The following MFSD6 variants were observed in gnomAD, a reference collection of about 807,000 sequenced individuals.
The protein encoded by MFSD6 is major facilitator superfamily domain-containing protein 6.
Under a neutral mutation model 56.3 loss-of-function variants are expected in MFSD6, and 26 were observed. The ratio of observed to expected loss-of-function variants is 0.46; its 90% CI spans 0.34 to 0.64. The LOEUF is 0.64. Ranked by LOEUF, MFSD6 falls within the 30% of genes least tolerant of loss-of-function variation. The pLI is 0.01. For missense variants in MFSD6, 750 were observed against 986.2 expected (o/e 0.76, Z 3.21); for synonymous variants, 331 against 366.9 (o/e 0.90, Z 1.12).
Position 190,417,998 on chromosome 2 carries a change from G to GTGTGTGTGTGTA in MFSD6, c.-54+2588_-54+2589insGTGTGTGTATGT, listed in dbSNP as rs779564153. 3.4e-3 allele frequency among the ~76,000 whole-genome samples: 505 copies of GTGTGTGTGTGTA among 150,060 alleles called. 5 individuals are homozygous for GTGTGTGTGTGTA. The highest frequency in any genetic ancestry group is 0.011 in the African/African-American group (467 of 40,642). On this transcript the variant is annotated intron_variant, in intron 2 of 7. Transcript: ENST00000392328. The surrounding 1 kb of genome is among the most constrained non-coding windows in gnomAD (Gnocchi z 5.7). ...TGTGTGTGTGTGTGTGTGTGTGTGT[G>GTGTGTGTGTGTA]TGTATGTGAGAGAGAGAGAGATGTG... is the stretch of plus-strand genomic sequence containing the variant.
Position 190,436,810 on chromosome 2 carries a change from A to G in MFSD6, c.781A>G (p.Thr261Ala). The G allele has an allele frequency of 6.8e-6, 11 of 1,614,162 alleles. No homozygotes were observed. Among genetic ancestry groups the G allele is most frequent in the Non-Finnish European group, 9.3e-6 (11 of 1,180,030 alleles). The change falls in exon 3 of 8, where the codon ACT becomes GCT. Residue 261 changes from threonine to alanine, a missense_variant. Coordinates refer to ENST00000392328, the MANE Select transcript of MFSD6 (RefSeq NM_017694.4). The surrounding 1 kb of genome is among the most constrained non-coding windows in gnomAD (Gnocchi z 5.3). Reference protein sequence around the residue: ...SPGSVTKETTTVIVTTTKSLP... With the variant: ...SPGSVTKETTAVIVTTTKSLP... ...AGGAAGCGTAACCAAGGAGACAACC[A>G]CTGTTATTGTTACCACCACCAAATC...
At chr2:190,475,642 T>C (rs1688258326) in intron 4 of MFSD6, among the ~76,000 whole-genome samples, 1 of 152,168 alleles carries the variant, frequency 6.6e-6, no homozygotes, top group Non-Finnish European at 1.5e-5. Context: ...CTGCCCAAGG[T>C]AATTTATAGA....
chr2:190,413,542 G>A lies in MFSD6; in HGVS notation c.-175-1750G>A, dbSNP rs1197823643. 6.6e-6 allele frequency among the ~76,000 whole-genome samples: 1 copy of A among 151,486 alleles called. No homozygotes were observed. Among genetic ancestry groups the A allele is most frequent in the African/African-American group, 2.4e-5 (1 of 41,228 alleles). ...TGATCTGAGACCAAGAGTGGGATGG[G>A]GGAAAGACAGGGAAAGACAGGGACA... On this transcript the variant is annotated intron_variant, in intron 1 of 7. Coordinates refer to ENST00000392328, the MANE Select transcript of MFSD6 (RefSeq NM_017694.4). The surrounding 1 kb of genome is among the most constrained non-coding windows in gnomAD (Gnocchi z 4.1).
intron 2 of MFSD6, among the ~76,000 whole-genome samples, chr2:190,421,834 A>G (rs939739679): frequency 6.6e-6 from 1 of 152,186 alleles, no homozygotes; most frequent in Non-Finnish European, 1.5e-5. Flanking sequence ...TATCACCTGT[A>G]TGTCTTTAAA....
chr2:190,439,761 A>ATC lies in MFSD6; in HGVS notation c.1532+2201_1532+2202dup, dbSNP rs1381742768. 6.6e-6 allele frequency among the ~76,000 whole-genome samples: 1 copy of ATC among 152,254 alleles called. No homozygotes were observed. The highest frequency in any genetic ancestry group is 2.4e-5 in the African/African-American group (1 of 41,476). ...GCTCCCAAGAGTCTGTGGGAATTCC[A>ATC]TCAGTATGTGGTCATTTACCTGTTT... On this transcript the variant is annotated intron_variant, in intron 3 of 7. Transcript: ENST00000392328. The surrounding 1 kb of genome is among the most constrained non-coding windows in gnomAD (Gnocchi z 5.8).
rs1258402335 is a variant in MFSD6, at chr2:190,498,497, TGTTA to T, written c.2172+779_2172+782del. ...TCCCCTTTCAGAAAATTTGTTGAAC[TGTTA>T]ATTAATCTCACTTTGTAAGCTAACA... On this transcript the variant is annotated intron_variant, in intron 7 of 7. Coordinates refer to ENST00000392328, the MANE Select transcript of MFSD6 (RefSeq NM_017694.4). The surrounding 1 kb of genome is among the most constrained non-coding windows in gnomAD (Gnocchi z 5.9). Among the ~76,000 whole-genome samples the T allele has an allele frequency of 3.9e-5, 6 of 152,256 alleles. No individual in the cohort carries two copies. The highest frequency in any genetic ancestry group is 1.4e-4 in the African/African-American group (6 of 41,474).
Position 190,425,990 on chromosome 2 carries a change from G to A in MFSD6, c.-53-9987G>A, listed in dbSNP as rs1472912292. Reference sequence around the variant, plus strand: ...CTCTGCTTTCAAAATTTTTTTCCTTGCCTTTAGTTTTTAGAAGTTTGACTG... The same window carrying A: ...CTCTGCTTTCAAAATTTTTTTCCTTACCTTTAGTTTTTAGAAGTTTGACTG... On this transcript the variant is annotated intron_variant, in intron 2 of 7. Transcript: ENST00000392328. The surrounding 1 kb of genome is among the most constrained non-coding windows in gnomAD (Gnocchi z 4.3). 1.3e-5 allele frequency among the ~76,000 whole-genome samples: 2 copies of A among 151,872 alleles called. No homozygotes were observed. Among genetic ancestry groups the A allele is most frequent in the African/African-American group, 4.8e-5 (2 of 41,340 alleles).
At position 190,412,466 on chromosome 2, in the gene MFSD6, G is replaced by A; in HGVS notation, c.-175-2826G>A. ...TTTAAAGGCAGAAATCAAGTGCAAA[G>A]TCCTACCCTACTACAAGGCCAGTTT... is the stretch of plus-strand genomic sequence containing the variant. On this transcript the variant is annotated intron_variant, in intron 1 of 7. Transcript: ENST00000392328. The surrounding 1 kb of genome is among the most constrained non-coding windows in gnomAD (Gnocchi z 4.1). The A allele has an allele frequency of 1.0e-6, 1 of 985,372 alleles. No individual in the cohort carries two copies. The highest frequency in any genetic ancestry group is 1.7e-5 in the African/African-American group (1 of 57,342). The allele number at this position is 985,372 out of a possible 1,614,324, so 61.0% of individuals were successfully genotyped here.
chr2:190,427,259 A>T (rs1685811071), intron 2 of MFSD6, among the ~76,000 whole-genome samples: 1 of 152,076 alleles, frequency 6.6e-6, no homozygotes, highest in African/African-American at 2.4e-5. Flanking sequence ...TTGCTCCTTT[A>T]TCTTCTCTGA....
At position 190,469,596 on chromosome 2, in the gene MFSD6, C is replaced by G; in HGVS notation, c.1533-162C>G. The G allele has an allele frequency of 2.8e-6, 1 of 352,710 alleles. No homozygotes were observed. The highest frequency in any genetic ancestry group is 1.2e-4 in the South Asian group (1 of 8,302). 21.8% of individuals were successfully genotyped at this position (352,710 alleles called of 1,614,324 possible). The stretch of plus-strand genomic sequence containing the variant: ...TTAAATGTAATTGTCCTTCAGTTTT[C>G]CCACTCCTGAGTTTGGAGTCTGCTG... On this transcript the variant is annotated intron_variant, in intron 3 of 7. Transcript: ENST00000392328. The surrounding 1 kb of genome is among the most constrained non-coding windows in gnomAD (Gnocchi z 5.3).
chr2:190,491,042 A>G lies in MFSD6; in HGVS notation c.1891+1176A>G, dbSNP rs1224526534. On this transcript the variant is annotated intron_variant, in intron 6 of 7. Coordinates refer to ENST00000392328, the MANE Select transcript of MFSD6 (RefSeq NM_017694.4). This position sits in a 1 kb window ranked among gnomAD's most constrained non-coding sequence, Gnocchi z 4.2. ...ATCATGGCTCTCCCAAAGTTATAAG[A>G]TGTAGTTAAAGTTGTATTTTGAGAA... 6.6e-6 allele frequency among the ~76,000 whole-genome samples: 1 copy of G among 152,238 alleles called. No homozygotes were observed. The highest frequency in any genetic ancestry group is 1.5e-5 in the Non-Finnish European group (1 of 68,046).
At chr2:190,421,723 C>CT (rs1276739465) in intron 2 of MFSD6, among the ~76,000 whole-genome samples, 2 of 132,742 alleles carry the variant, frequency 1.5e-5, no homozygotes, top group Non-Finnish European at 3.2e-5. Context: ...ACCTGGCTAA[C>CT]TTAAAAAAAA....
In MFSD6 at chr2:190,427,360, C is replaced by T. The variant is rs145347998; in HGVS notation, c.-53-8617C>T. On this transcript the variant is annotated intron_variant, in intron 2 of 7. Transcript: ENST00000392328. Reference sequence around the variant, plus strand: ...CCTGCTCAGCCTTTGATGGTGTGGGCAGGAGTGGGAATAGGGTTATGATCA... The same window carrying T: ...CCTGCTCAGCCTTTGATGGTGTGGGTAGGAGTGGGAATAGGGTTATGATCA... Among the ~76,000 whole-genome samples, 805 of 152,260 alleles carry T rather than the reference C, an allele frequency of 5.3e-3. 7 individuals are homozygous for T. The highest frequency in any genetic ancestry group is 0.018 in the African/African-American group (760 of 41,554).
At chr2:190,414,918 C>T (rs1022864371) in intron 1 of MFSD6, among the ~76,000 whole-genome samples, 1 of 152,118 alleles carries the variant, frequency 6.6e-6, no homozygotes, top group Non-Finnish European at 1.5e-5. Flanking sequence ...TGTACTATAT[C>T]GAGAGGTTTG....
Position 190,431,179 on chromosome 2 carries a change from G to A in MFSD6, c.-53-4798G>A, listed in dbSNP as rs1685981790. Among the ~76,000 whole-genome samples the A allele has an allele frequency of 6.6e-6, 1 of 151,870 alleles. No individual in the cohort carries two copies. The highest frequency in any genetic ancestry group is 2.0e-4 in the East Asian group (1 of 5,086). On this transcript the variant is annotated intron_variant, in intron 2 of 7. Coordinates refer to ENST00000392328, the MANE Select transcript of MFSD6 (RefSeq NM_017694.4). The surrounding 1 kb of genome is among the most constrained non-coding windows in gnomAD (Gnocchi z 4.4). ...AGGCAGAGACGCTCCTCACTTCCCA[G>A]ATGGGATGGTGGCCGGGAAGAGGCG...
intron 3 of MFSD6, among the ~76,000 whole-genome samples, chr2:190,452,870 A>G (rs763808365): frequency 1.3e-4 from 20 of 152,196 alleles, no homozygotes; most frequent in South Asian, 2.1e-4. Flanking sequence ...ACTTGTACTG[A>G]ATATAAGTGG....
In MFSD6 at chr2:190,497,384, G is replaced by C; in HGVS notation, c.1892-55G>C. The C allele has an allele frequency of 6.4e-7, 1 of 1,569,510 alleles. No homozygotes were observed. Among genetic ancestry groups the C allele is most frequent in the Non-Finnish European group, 8.7e-7 (1 of 1,153,314 alleles). ...GGTTTATTTATTTATTTTTACCTTT[G>C]TTCAAATATGTAGAAAATGCTGAAA... is the stretch of plus-strand genomic sequence containing the variant. On this transcript the variant is annotated intron_variant, in intron 6 of 7. Transcript: ENST00000392328. The surrounding 1 kb of genome is among the most constrained non-coding windows in gnomAD (Gnocchi z 5.2).
rs1166472349 is a variant in MFSD6 at position 190,451,081 on chromosome 2, C to T, written c.1532+13520C>T. On this transcript the variant is annotated intron_variant, in intron 3 of 7. Transcript: ENST00000392328. The surrounding 1 kb of genome is among the most constrained non-coding windows in gnomAD (Gnocchi z 5.0). ...TCATCATCCTAAGCCCTGGTAGGATCGTTGAGTAGTGTAGTAGTTACCCTG... is the reference window on the plus strand; with the variant it reads ...TCATCATCCTAAGCCCTGGTAGGATTGTTGAGTAGTGTAGTAGTTACCCTG... Among the ~76,000 whole-genome samples, 2 of 152,138 alleles carry T rather than the reference C, an allele frequency of 1.3e-5. No homozygotes were observed. Among genetic ancestry groups the T allele is most frequent in the African/African-American group, 2.4e-5 (1 of 41,424 alleles).
At position 190,477,491 on chromosome 2, in the gene MFSD6, C is replaced by G. The variant is rs140204005; in HGVS notation, c.1630+7636C>G. ...GGAAAAGGACGGTTTCCATAAGTGACCCAAGAAAAGAGAACATCCATGAAA... is the reference window on the plus strand; with the variant it reads ...GGAAAAGGACGGTTTCCATAAGTGAGCCAAGAAAAGAGAACATCCATGAAA... On this transcript the variant is annotated intron_variant, in intron 4 of 7. Coordinates refer to ENST00000392328, the MANE Select transcript of MFSD6 (RefSeq NM_017694.4). 3.0e-3 allele frequency: 1,219 copies of G among 404,244 alleles called. 61 individuals are homozygous for G. In the Admixed American group the frequency reaches 0.074, roughly 25 times the overall value. The allele number at this position is 404,244 out of a possible 1,614,324, so 25.0% of individuals were successfully genotyped here.
Sources: gnomAD v4.1 joint callset for allele counts (sites outside exome capture counted in the v4.1 genomes callset) on GRCh38, gnomAD v4.1.1 for gene constraint, Gnocchi (gnomAD v3.1) non-coding constraint, MANE v1.5 for transcripts, NCBI Gene and HGNC (gene_info 2026-07-23, HGNC 2026-07-21) for gene names.